The following TAF1B variants were observed in gnomAD, a reference collection of about 807,000 sequenced individuals.
The protein encoded by TAF1B is TATA box-binding protein-associated factor RNA polymerase I subunit B.
TAF1B carries 61 observed loss-of-function variants against 83.9 expected under a neutral mutation model. The observed-to-expected ratio is 0.73, with a 90% CI of 0.59 to 0.90. TAF1B has a LOEUF of 0.90. Ranked by LOEUF, TAF1B falls within the 40% of genes least tolerant of loss-of-function variation. TAF1B has a pLI of 0.00. For synonymous variants in TAF1B, 221 were observed against 224.6 expected, an observed-to-expected ratio of 0.98 and a Z score of 0.14; for missense variants, 625 against 677.0, an observed-to-expected ratio of 0.92 and a Z score of 0.85.
intron 8 of TAF1B, among the ~76,000 whole-genome samples, chr2:9,895,827 T>C (rs1171787602): frequency 6.6e-6 from 1 of 150,862 alleles, no homozygotes; most frequent in Non-Finnish European, 1.5e-5. Context: ...TTTTTTTTTT[T>C]TTTTTTTTTA....
intron 7 of TAF1B, among the ~76,000 whole-genome samples, chr2:9,877,872 CCCA>C (rs1310538155): frequency 5.9e-5 from 9 of 152,242 alleles, no homozygotes; most frequent in Non-Finnish European, 1.2e-4. Flanking sequence ...CCTCTCCTCC[CCCA>C]CCAAGGGGAA....
At position 9,911,574 on chromosome 2, in the gene TAF1B, T is replaced by TAA; in HGVS notation, c.1180+17_1180+18insAA. 9 of 1,481,318 alleles carry TAA rather than the reference T, an allele frequency of 6.1e-6. No individual in the cohort carries two copies. Among genetic ancestry groups the TAA allele is most frequent in the Non-Finnish European group, 8.2e-6 (9 of 1,099,730 alleles). 91.8% of individuals were successfully genotyped at this position (1,481,318 alleles called of 1,614,324 possible). A position where few individuals can be genotyped will look rare whatever the true frequency, so the allele number is the denominator to read the frequency against. ...ACAAAAAAGGTATTTTAATTTTTTA[T>TAA]CATTCAAATTCAAAGTGGTTATAGA... On this transcript the variant is annotated intron_variant, in intron 11 of 14. Coordinates refer to ENST00000263663, the MANE Select transcript of TAF1B (RefSeq NM_005680.3).
intron 12 of TAF1B, among the ~76,000 whole-genome samples, chr2:9,918,715 G>T (rs1431870129): frequency 1.3e-5 from 2 of 152,260 alleles, no homozygotes; most frequent in Non-Finnish European, 2.9e-5. Flanking sequence ...TGTTTCTGAG[G>T]TAGCTTCACT....
intron 5 of TAF1B, among the ~76,000 whole-genome samples, chr2:9,855,852 ATTACT>A (rs142776064): frequency 0.026 from 3,946 of 152,296 alleles, 76 homozygotes; most frequent in Non-Finnish European, 0.04. Context: ...TAATTTATTG[ATTACT>A]TTACTGAAAG....
intron 11 of TAF1B, among the ~76,000 whole-genome samples, chr2:9,911,829 A>G (rs528220967): frequency 6.6e-6 from 1 of 152,298 alleles, no homozygotes; most frequent in East Asian, 1.9e-4. Context: ...TCATGAATTT[A>G]CAGGCAGCTT....
At chr2:9,873,582 A>G (rs1203598353) in intron 6 of TAF1B, among the ~76,000 whole-genome samples, 3 of 149,834 alleles carry the variant, frequency 2.0e-5, no homozygotes, top group Non-Finnish European at 4.4e-5. Context: ...CACACTTAAC[A>G]CACATAATTC....
intron 14 of TAF1B, among the ~76,000 whole-genome samples, chr2:9,930,378 C>G (rs1057074843): frequency 5.9e-5 from 9 of 152,294 alleles, no homozygotes; most frequent in African/African-American, 1.9e-4. Context: ...TATGTTGTGT[C>G]TTTGTTCTCA....
intron 8 of TAF1B, among the ~76,000 whole-genome samples, chr2:9,884,880 C>T (rs535840656): frequency 5.9e-5 from 9 of 152,166 alleles, no homozygotes; most frequent in South Asian, 2.1e-4. Flanking sequence ...AGAGGAGCTT[C>T]CCACTCTAAA....
intron 14 of TAF1B, among the ~76,000 whole-genome samples, chr2:9,926,398 T>G (rs1187226870): frequency 6.6e-6 from 1 of 152,198 alleles, no homozygotes; most frequent in African/African-American, 2.4e-5. Flanking sequence ...TTTTTTCTTC[T>G]TACAATGTAC....
At chr2:9,918,387 C>G (rs1000107915) in intron 12 of TAF1B, among the ~76,000 whole-genome samples, 1 of 152,130 alleles carries the variant, frequency 6.6e-6, no homozygotes, top group African/African-American at 2.4e-5. Flanking sequence ...TCTGTAGGAA[C>G]CTTAGATGGC....
chr2:9,846,638 CTGG>C (rs1371575386), intron 2 of TAF1B, among the ~76,000 whole-genome samples: 1 of 152,186 alleles, frequency 6.6e-6, no homozygotes, highest in Non-Finnish European at 1.5e-5. Context: ...CTTGACAAAA[CTGG>C]TGAATTGAGC....
intron 9 of TAF1B, among the ~76,000 whole-genome samples, chr2:9,905,538 A>T (rs1665313835): frequency 6.6e-6 from 1 of 152,236 alleles, no homozygotes; most frequent in Non-Finnish European, 1.5e-5. Context: ...GAATGTAAAA[A>T]GAGCCTCACT....
At chr2:9,924,707 G>C (rs1665983957) in intron 14 of TAF1B, among the ~76,000 whole-genome samples, 1 of 152,210 alleles carries the variant, frequency 6.6e-6, no homozygotes, top group South Asian at 2.1e-4. Flanking sequence ...AATGAAAAGT[G>C]ATGCTTATGA....
chr2:9,928,575 A>G (rs1666116386), intron 14 of TAF1B, among the ~76,000 whole-genome samples: 1 of 152,164 alleles, frequency 6.6e-6, no homozygotes. Context: ...GATCCTTCAC[A>G]TCCCTTGTAA....
intron 14 of TAF1B, among the ~76,000 whole-genome samples, chr2:9,920,335 A>G (rs754848325): frequency 2.0e-5 from 3 of 152,188 alleles, no homozygotes; most frequent in Non-Finnish European, 4.4e-5. Context: ...GTTCAGGAGT[A>G]GGTATGGCAT....
At chr2:9,917,141 C>T (rs185970732) in intron 12 of TAF1B, among the ~76,000 whole-genome samples, 8 of 152,126 alleles carry the variant, frequency 5.3e-5, no homozygotes, top group Non-Finnish European at 7.4e-5. Flanking sequence ...CCACTGCGCC[C>T]GACTCCTTTC....
At chr2:9,845,943 A>G (rs1013069989) in intron 2 of TAF1B, 5 of 387,712 alleles carry the variant, frequency 1.3e-5, no homozygotes, top group African/African-American at 8.4e-5. Context: ...AGATCACGCC[A>G]CTGTACTCCA....
At chr2:9,856,095 T>C (rs1428267663) in intron 5 of TAF1B, among the ~76,000 whole-genome samples, 1 of 152,002 alleles carries the variant, frequency 6.6e-6, no homozygotes, top group African/African-American at 2.4e-5. Flanking sequence ...ACATCCAGAG[T>C]TGAGAGACCC....
intron 11 of TAF1B, 111 bp downstream of exon 11, chr2:9,911,668 A>G: frequency 3.4e-6 from 2 of 592,594 alleles, no homozygotes; most frequent in Non-Finnish European, 5.5e-6. Flanking sequence ...ACATAAACAC[A>G]TGTATACAAA....
Sources: gnomAD v4.1 joint callset for allele counts (sites outside exome capture counted in the v4.1 genomes callset) on GRCh38, gnomAD v4.1.1 for gene constraint, MANE v1.5 for transcripts, NCBI Gene and HGNC (gene_info 2026-07-23, HGNC 2026-07-21) for gene names.